Variants in MGAT4C observed in about 807,000 individuals in gnomAD.
MGAT4C encodes alpha-1,3-mannosyl-glycoprotein 4-beta-N-acetylglucosaminyltransferase C.
MGAT4C carries 19 observed loss-of-function variants against 40.1 expected under a neutral mutation model. The observed-to-expected ratio is 0.47, with a 90% CI of 0.33 to 0.70. MGAT4C has a LOEUF of 0.70. Ranked by LOEUF, MGAT4C falls within the 30% of genes least tolerant of loss-of-function variation. The pLI is 0.02. For synonymous variants in MGAT4C, 181 were observed against 187.1 expected, an observed-to-expected ratio of 0.97 and a Z score of 0.27; for missense variants, 491 against 563.2, an observed-to-expected ratio of 0.87 and a Z score of 1.30.
intron 1 of MGAT4C, among the ~76,000 whole-genome samples, chr12:86,737,337 A>T (rs1951002180): frequency 8.6e-6 from 1 of 115,826 alleles, no homozygotes; most frequent in Non-Finnish European, 1.7e-5. Context: ...TAGCCAACTA[A>T]AATACTTTTT....
At chr12:86,627,427 C>A (rs1962852077) in intron 2 of MGAT4C, among the ~76,000 whole-genome samples, 1 of 152,142 alleles carries the variant, frequency 6.6e-6, no homozygotes, top group South Asian at 2.1e-4. Context: ...TCAAGTGGGA[C>A]CCTGACCCCG....
At chr12:86,122,350 C>G (rs926499839) in intron 1 of MGAT4C, among the ~76,000 whole-genome samples, 3 of 152,198 alleles carry the variant, frequency 2.0e-5, no homozygotes, top group Middle Eastern at 3.4e-3. Context: ...AAATCTAATA[C>G]ATTTGTGCCA....
intron 2 of MGAT4C, among the ~76,000 whole-genome samples, chr12:86,439,611 AAAC>A (rs751651733): frequency 1.6e-4 from 25 of 152,116 alleles, no homozygotes; most frequent in Non-Finnish European, 5.9e-5. Context: ...AGCAGAAGAT[AAAC>A]AACAACAACA....
intron 2 of MGAT4C, among the ~76,000 whole-genome samples, chr12:86,706,008 T>C (rs1950449421): frequency 6.6e-6 from 1 of 152,174 alleles, no homozygotes; most frequent in Non-Finnish European, 1.5e-5. Flanking sequence ...ATTCAATTCA[T>C]CACTGTGTTT....
chr12:86,277,616 A>C (rs1190143873), intron 4 of MGAT4C, among the ~76,000 whole-genome samples: 2 of 152,122 alleles, frequency 1.3e-5, no homozygotes, highest in African/African-American at 4.8e-5. Context: ...CTGCATATGG[A>C]TATCCAGTTT....
intron 2 of MGAT4C, among the ~76,000 whole-genome samples, chr12:86,489,367 T>C (rs76396900): frequency 0.012 from 1,809 of 152,254 alleles, 26 homozygotes; most frequent in African/African-American, 0.04. Flanking sequence ...CCTCTGGACA[T>C]GCGACCTCTG....
chr12:86,004,719 T>C (rs1887695696), intron 2 of MGAT4C, among the ~76,000 whole-genome samples: 1 of 152,216 alleles, frequency 6.6e-6, no homozygotes, highest in Non-Finnish European at 1.5e-5. Flanking sequence ...GGTTCTTAAA[T>C]GTCCTATTTT....
At chr12:86,048,190 T>G (rs1225319847) in intron 2 of MGAT4C, among the ~76,000 whole-genome samples, 4 of 152,136 alleles carry the variant, frequency 2.6e-5, no homozygotes, top group Non-Finnish European at 5.9e-5. Flanking sequence ...GCCATTATCC[T>G]AAGTGAATTA....
chr12:86,375,603 T>C (rs1441790937), intron 3 of MGAT4C, among the ~76,000 whole-genome samples: 1 of 152,054 alleles, frequency 6.6e-6, no homozygotes, highest in African/African-American at 2.4e-5. Context: ...GGATACATCA[T>C]TTTAGGTACT....
At chr12:86,063,281 A>G (rs996382346) in intron 1 of MGAT4C, among the ~76,000 whole-genome samples, 5 of 152,206 alleles carry the variant, frequency 3.3e-5, no homozygotes, top group African/African-American at 1.2e-4. Flanking sequence ...ACTAAGTTTC[A>G]TAAGTGGAGG....
chr12:86,157,764 C>T (rs1222999856), intron 1 of MGAT4C, among the ~76,000 whole-genome samples: 3 of 152,070 alleles, frequency 2.0e-5, no homozygotes, highest in Admixed American at 2.0e-4. Context: ...ACGTGCCACA[C>T]TTTTAAACAA....
rs993085922 is a variant in MGAT4C at position 86,038,508 on chromosome 12, G to T, written c.-7+11166C>A. ...TTACCATTATGTAATGCCCTTCTTT[G>T]TCTCTTTTGATCTTTATTGTTTCAA... is the stretch of plus-strand genomic sequence containing the variant. On this transcript the variant is annotated intron_variant, in intron 2 of 4. Transcript: ENST00000611864. Among the ~76,000 whole-genome samples the T allele has an allele frequency of 4.7e-5, 7 of 148,514 alleles. 1 individual carries two copies. The highest frequency in any genetic ancestry group is 1.2e-4 in the African/African-American group (5 of 40,976).
At chr12:86,360,708 C>T (rs6538037) in intron 3 of MGAT4C, among the ~76,000 whole-genome samples, 111,417 of 151,990 alleles carry the variant, frequency 0.73, 41,040 homozygotes, top group East Asian at 0.91. Context: ...AAACAGAGAG[C>T]CAAATCATGA....
chr12:86,759,141 GTC>G (rs2136149913), intron 1 of MGAT4C, among the ~76,000 whole-genome samples: 1 of 152,164 alleles, frequency 6.6e-6, no homozygotes, highest in East Asian at 1.9e-4. Flanking sequence ...TGTGGTATTT[GTC>G]TTTCTGTGCC....
chr12:86,476,256 A>C (rs1330071152), intron 2 of MGAT4C, among the ~76,000 whole-genome samples: 2 of 152,148 alleles, frequency 1.3e-5, no homozygotes, highest in Non-Finnish European at 1.5e-5. Flanking sequence ...AAATACAAAT[A>C]ACCCCATTAA....
Position 86,363,964 on chromosome 12 carries a change from TCTCTCTCTCA to T in MGAT4C, c.-119-29847_-119-29838del, listed in dbSNP as rs1016193991. Among the ~76,000 whole-genome samples the T allele has an allele frequency of 2.9e-4, 23 of 78,196 alleles. No individual in the cohort carries two copies. The Middle Eastern group carries it at 0.021, about 71-fold the overall frequency. 51.3% of individuals were successfully genotyped at this position (78,196 alleles called of 152,430 possible). A position where few individuals can be genotyped will look rare whatever the true frequency, so the allele number is the denominator to read the frequency against. ...CCAAATCTCTTTCTCACTCTCTCTC[TCTCTCTCTCA>T]CACACACACACACACACAGAGACAC... On this transcript the variant is annotated intron_variant, in intron 3 of 7. Transcript: ENST00000548651.
At chr12:86,645,463 G>T (rs1028635897) in intron 2 of MGAT4C, among the ~76,000 whole-genome samples, 4 of 151,520 alleles carry the variant, frequency 2.6e-5, no homozygotes, top group African/African-American at 9.7e-5. Flanking sequence ...AGAAATGCTC[G>T]GTGGTAAAAA....
chr12:86,423,910 C>T (rs1345523767), intron 3 of MGAT4C, among the ~76,000 whole-genome samples: 1 of 152,188 alleles, frequency 6.6e-6, no homozygotes, highest in African/African-American at 2.4e-5. Flanking sequence ...CAAAAAGGAG[C>T]CTCAAAGGGG....
rs942047179 is a variant in MGAT4C, at chr12:86,269,992, A to G, written c.-57+64073T>C. Among the ~76,000 whole-genome samples, 21 of 152,208 alleles carry G rather than the reference A, an allele frequency of 1.4e-4. 1 individual carries two copies. Among genetic ancestry groups the G allele is most frequent in the Admixed American group, 1.1e-3 (17 of 15,278 alleles). On this transcript the variant is annotated intron_variant, in intron 4 of 7. Transcript: ENST00000548651. ...ATATTCACGCTGTTGTACAAGCATC[A>G]CCATCATCCTTCTCTAGCACTTTTC...
Sources: allele counts gnomAD v4.1 joint callset (sites outside exome capture counted in the v4.1 genomes callset), GRCh38; gene constraint gnomAD v4.1.1; transcripts MANE v1.5; gene names NCBI Gene and HGNC (gene_info 2026-07-23, HGNC 2026-07-21).